Variants in KCNMA1 observed in about 807,000 individuals in gnomAD.
The protein encoded by KCNMA1 is Calcium-activated potassium channel subunit alpha-1.
KCNMA1 carries 29 observed loss-of-function variants against 140.0 expected under a neutral mutation model. The observed-to-expected ratio is 0.21, with a 90% CI of 0.15 to 0.28. The LOEUF (loss-of-function observed/expected upper bound fraction) is 0.28. Among genes scored for constraint, KCNMA1 ranks in the 10% least tolerant of loss-of-function variants. The pLI is 1.00. For missense variants in KCNMA1, 880 were observed against 1,602.2 expected (o/e 0.55, Z 7.70); for synonymous variants, 612 against 611.9 (o/e 1.00, Z 0.00).
At chr10:77,563,387 G>A (rs997893234) in intron 1 of KCNMA1, among the ~76,000 whole-genome samples, 172 of 152,110 alleles carry the variant, frequency 1.1e-3, no homozygotes, top group African/African-American at 4.0e-3. Flanking sequence ...CTCCCTTCTG[G>A]GTGATAAGGC....
intron 2 of KCNMA1, among the ~76,000 whole-genome samples, chr10:77,396,693 A>G (rs1329243484): frequency 1.3e-5 from 2 of 152,220 alleles, no homozygotes; most frequent in African/African-American, 2.4e-5. Flanking sequence ...CACACATGCA[A>G]CATATTTAGG....
chr10:77,324,683 C>T (rs2083358322), intron 2 of KCNMA1, among the ~76,000 whole-genome samples: 1 of 152,114 alleles, frequency 6.6e-6, no homozygotes, highest in African/African-American at 2.4e-5. Flanking sequence ...GCCACCATGC[C>T]CAGCTTGTGT....
At chr10:77,012,896 A>T (rs2091173156) in intron 17 of KCNMA1, among the ~76,000 whole-genome samples, 1 of 152,206 alleles carries the variant, frequency 6.6e-6, no homozygotes, top group Admixed American at 6.5e-5. Context: ...GAAAAATAAG[A>T]TCATTCAAGC....
intron 2 of KCNMA1, among the ~76,000 whole-genome samples, chr10:77,377,678 G>C (rs2095213861): frequency 6.6e-6 from 1 of 152,214 alleles, no homozygotes; most frequent in Non-Finnish European, 1.5e-5. Flanking sequence ...AGTGTACACA[G>C]AGCTCCAGGC....
At chr10:76,985,714 CTGAT>C (rs1467033250) in intron 19 of KCNMA1, among the ~76,000 whole-genome samples, 2 of 152,200 alleles carry the variant, frequency 1.3e-5, no homozygotes, top group Non-Finnish European at 2.9e-5. Flanking sequence ...ATAGGTGACT[CTGAT>C]TGCATCTGCA....
intron 2 of KCNMA1, among the ~76,000 whole-genome samples, chr10:77,307,739 C>T (rs185299296): frequency 7.9e-5 from 12 of 152,208 alleles, no homozygotes; most frequent in African/African-American, 2.4e-4. Flanking sequence ...TTAGTAGAGA[C>T]GGGGTTTCAC....
At chr10:77,158,573 C>T (rs1444480896) in intron 5 of KCNMA1, among the ~76,000 whole-genome samples, 3 of 152,090 alleles carry the variant, frequency 2.0e-5, no homozygotes, top group Non-Finnish European at 4.4e-5. Context: ...GCTCCCAGCT[C>T]CTCTCCCCTC....
chr10:76,986,855 A>G (rs528060231), intron 19 of KCNMA1, among the ~76,000 whole-genome samples: 1 of 152,336 alleles, frequency 6.6e-6, no homozygotes, highest in South Asian at 2.1e-4. Flanking sequence ...CCCCAGATCC[A>G]CTACAGAGCC....
At chr10:77,281,290 GA>G (rs1243762503) in intron 2 of KCNMA1, among the ~76,000 whole-genome samples, 1 of 152,042 alleles carries the variant, frequency 6.6e-6, no homozygotes, top group Non-Finnish European at 1.5e-5. Context: ...GAATGCATTA[GA>G]AAAAAAGTAC....
At chr10:77,474,212 G>A (rs948550134) in intron 1 of KCNMA1, among the ~76,000 whole-genome samples, 1 of 152,362 alleles carries the variant, frequency 6.6e-6, no homozygotes, top group Admixed American at 6.5e-5. Flanking sequence ...GTGAGAGAGA[G>A]TGTTACGGAC....
At chr10:77,512,867 T>A (rs1041183108) in intron 1 of KCNMA1, among the ~76,000 whole-genome samples, 5 of 152,228 alleles carry the variant, frequency 3.3e-5, no homozygotes, top group Middle Eastern at 3.4e-3. Context: ...GAGCCTTAAG[T>A]CCAAGCCACC....
chr10:77,174,024 A>C (rs775886846), intron 5 of KCNMA1, among the ~76,000 whole-genome samples: 1 of 152,152 alleles, frequency 6.6e-6, no homozygotes, highest in African/African-American at 2.4e-5. Flanking sequence ...CTTGCTACTT[A>C]ATTGCTCACA....
At chr10:77,084,581 C>T (rs2096652031) in intron 12 of KCNMA1, 56 bp downstream of exon 12, 6 of 1,346,782 alleles carry the variant, frequency 4.5e-6, no homozygotes, top group Non-Finnish European at 6.4e-6. Context: ...CCAAAAGGGC[C>T]GTGAACAGCC....
At chr10:76,949,017 C>T (rs1416115626) in intron 22 of KCNMA1, 125 bp downstream of exon 22, 1 of 866,886 alleles carries the variant, frequency 1.2e-6, no homozygotes, top group Non-Finnish European at 2.0e-6. Flanking sequence ...AGTGCTGAGT[C>T]CTCAGGCCCA....
intron 1 of KCNMA1, among the ~76,000 whole-genome samples, chr10:77,419,277 T>G (rs2096816059): frequency 6.6e-6 from 1 of 152,198 alleles, no homozygotes. Flanking sequence ...GCCAGAGCGC[T>G]GCAGGCATCA....
chr10:77,568,398 G>A (rs1439189391), intron 1 of KCNMA1, among the ~76,000 whole-genome samples: 14 of 150,494 alleles, frequency 9.3e-5, no homozygotes, highest in South Asian at 2.1e-4. Context: ...GATCAAGTCG[G>A]CTTCATCCCT....
At chr10:77,448,210 G>A (rs952770306) in intron 1 of KCNMA1, among the ~76,000 whole-genome samples, 4 of 152,136 alleles carry the variant, frequency 2.6e-5, no homozygotes, top group African/African-American at 9.7e-5. Flanking sequence ...GGCAGCTGCA[G>A]CCCCTCAAGC....
chr10:77,454,556 G>A (rs957103534), intron 1 of KCNMA1, among the ~76,000 whole-genome samples: 11 of 152,116 alleles, frequency 7.2e-5, no homozygotes, highest in African/African-American at 2.7e-4. Flanking sequence ...TTAGCCACCT[G>A]ACCCCCTTTC....
intron 1 of KCNMA1, among the ~76,000 whole-genome samples, chr10:77,428,447 T>C (rs1187839910): frequency 1.3e-5 from 2 of 152,220 alleles, no homozygotes; most frequent in African/African-American, 2.4e-5. Context: ...TGGGCTAGAC[T>C]GTTCACGTGG....
Sources: allele counts gnomAD v4.1 joint callset (sites outside exome capture counted in the v4.1 genomes callset), GRCh38; gene constraint gnomAD v4.1.1; transcripts MANE v1.5; gene names NCBI Gene and HGNC (gene_info 2026-07-23, HGNC 2026-07-21).